Variants in WDPCP observed in about 807,000 individuals in gnomAD.
WDPCP encodes the protein WD repeat-containing and planar cell polarity effector protein fritz homolog.
In WDPCP, 71 loss-of-function variants were observed where a neutral mutation model predicts 93.1. The ratio of observed to expected loss-of-function variants is 0.76; its 90% CI spans 0.63 to 0.93. WDPCP has a LOEUF of 0.93. WDPCP is among the 40% of genes least tolerant of loss of function. WDPCP has a pLI of 0.00. For missense variants in WDPCP, 844 were observed against 887.4 expected (o/e 0.95, Z 0.62); for synonymous variants, 315 against 315.0 (o/e 1.00, Z 0.00).
intron 14 of WDPCP, among the ~76,000 whole-genome samples, chr2:63,220,604 T>C (rs1022580005): frequency 1.3e-5 from 2 of 151,464 alleles, no homozygotes; most frequent in South Asian, 2.1e-4. Context: ...GTTTGTGAAA[T>C]TACCCAGTAG....
intron 14 of WDPCP, among the ~76,000 whole-genome samples, chr2:63,202,024 T>A (rs1164071178): frequency 1.3e-5 from 2 of 151,162 alleles, no homozygotes; most frequent in South Asian, 2.1e-4. Flanking sequence ...TCTGCTTTTT[T>A]AATTCAGTCC....
chr2:63,404,006 T>C (rs772972210), intron 10 of WDPCP, 42 bp downstream of exon 10: 21 of 1,612,556 alleles, frequency 1.3e-5, no homozygotes, highest in South Asian at 2.2e-5. Context: ...GTCACTATCC[T>C]AAACATTTTA....
chr2:63,407,566 T>G (rs1184383077), intron 9 of WDPCP, among the ~76,000 whole-genome samples: 1 of 152,190 alleles, frequency 6.6e-6, no homozygotes, highest in Non-Finnish European at 1.5e-5. Flanking sequence ...GTTTTTTGCC[T>G]GAAATCCACA....
intron 2 of WDPCP, among the ~76,000 whole-genome samples, chr2:63,738,902 G>A (rs191577717): frequency 2.0e-5 from 3 of 151,878 alleles, no homozygotes; most frequent in Non-Finnish European, 2.9e-5. Flanking sequence ...AACTCCCAAG[G>A]TTACTACTAT....
chr2:63,791,856 T>C (rs895458830), intron 2 of WDPCP, among the ~76,000 whole-genome samples: 1 of 152,230 alleles, frequency 6.6e-6, no homozygotes, highest in Non-Finnish European at 1.5e-5. Flanking sequence ...ATGAGGATAA[T>C]GATTCCTATT....
At chr2:63,124,631 A>G (rs2153395489) in intron 17 of WDPCP, among the ~76,000 whole-genome samples, 1 of 152,270 alleles carries the variant, frequency 6.6e-6, no homozygotes, top group South Asian at 2.1e-4. Flanking sequence ...TCAGTTTATT[A>G]TGTTAGGTTT....
chr2:63,258,287 A>C (rs1681306724), intron 14 of WDPCP, among the ~76,000 whole-genome samples: 1 of 152,156 alleles, frequency 6.6e-6, no homozygotes, highest in Non-Finnish European at 1.5e-5. Flanking sequence ...TGGTCTAATC[A>C]ATCTGGAACT....
chr2:63,802,473 A>T (rs961119841), intron 2 of WDPCP, among the ~76,000 whole-genome samples: 1 of 152,158 alleles, frequency 6.6e-6, no homozygotes, highest in Non-Finnish European at 1.5e-5. Context: ...TTTCAGTCTC[A>T]TGATAAGGTT....
chr2:63,295,860 C>T (rs1684808709), intron 13 of WDPCP, among the ~76,000 whole-genome samples: 1 of 122,006 alleles, frequency 8.2e-6, no homozygotes, highest in South Asian at 2.8e-4. Context: ...GAGCTGGTAC[C>T]AAACTTAGTG....
intron 2 of WDPCP, among the ~76,000 whole-genome samples, chr2:63,681,014 C>A (rs1339472046): frequency 6.6e-6 from 1 of 152,052 alleles, no homozygotes; most frequent in Non-Finnish European, 1.5e-5. Flanking sequence ...ACCAAAGAAA[C>A]CTTGGGCCCT....
chr2:63,362,534 C>T (rs1014265611), intron 12 of WDPCP, among the ~76,000 whole-genome samples: 1 of 152,000 alleles, frequency 6.6e-6, no homozygotes, highest in Non-Finnish European at 1.5e-5. Context: ...CTCTGCTTGT[C>T]CCCTGTGGTC....
At chr2:63,389,876 G>A (rs1458473762) in intron 10 of WDPCP, among the ~76,000 whole-genome samples, 1 of 152,010 alleles carries the variant, frequency 6.6e-6, no homozygotes, top group Non-Finnish European at 1.5e-5. Context: ...CCCAATACAG[G>A]AGCACCCAGA....
chr2:63,656,690 C>A (rs1710170172), intron 2 of WDPCP, among the ~76,000 whole-genome samples: 4 of 152,242 alleles, frequency 2.6e-5, no homozygotes, highest in Admixed American at 2.0e-4. Flanking sequence ...AAGCACTATT[C>A]AAGGTGCTGA....
chr2:63,510,477 A>C (rs768683440), intron 1 of WDPCP, among the ~76,000 whole-genome samples: 1 of 152,224 alleles, frequency 6.6e-6, no homozygotes, highest in African/African-American at 2.4e-5. Context: ...CCAGTATCAT[A>C]CTGAATGGGC....
At chr2:63,484,582 A>C (rs887608938) in intron 6 of WDPCP, 22 bp downstream of exon 6, 7 of 1,612,432 alleles carry the variant, frequency 4.3e-6, no homozygotes, top group Admixed American at 1.7e-5. Flanking sequence ...AAACACTGCA[A>C]AGGCTTGTCA....
In WDPCP at chr2:63,663,948, G is replaced by A. The variant is rs144658950; in HGVS notation, n.309-13110C>T. ...TTTCCCTCATATATCAACAACCACCGCACCTTTAACCCAAGCAGTACTGAA... is the reference window on the plus strand; with the variant it reads ...TTTCCCTCATATATCAACAACCACCACACCTTTAACCCAAGCAGTACTGAA... On this transcript the variant is annotated intron_variant and non_coding_transcript_variant, in intron 2 of 4. Transcript: ENST00000467687. Among the ~76,000 whole-genome samples, 696 of 151,950 alleles carry A rather than the reference G, an allele frequency of 4.6e-3. 9 individuals carry two copies. The highest frequency in any genetic ancestry group is 0.016 in the African/African-American group (658 of 41,422).
chr2:63,631,947 A>T (rs1276174023), intron 3 of WDPCP, among the ~76,000 whole-genome samples: 1 of 152,234 alleles, frequency 6.6e-6, no homozygotes, highest in Non-Finnish European at 1.5e-5. Context: ...ATCTTTCATT[A>T]TTGAGATAAT....
chr2:63,239,308 G>T (rs1679677216), intron 14 of WDPCP, among the ~76,000 whole-genome samples: 1 of 152,074 alleles, frequency 6.6e-6, no homozygotes, highest in South Asian at 2.1e-4. Flanking sequence ...CCGCCTCCTG[G>T]GTTCAGGGCA....
intron 14 of WDPCP, among the ~76,000 whole-genome samples, chr2:63,182,508 T>C (rs1308286444): frequency 3.9e-5 from 6 of 151,970 alleles, no homozygotes; most frequent in African/African-American, 1.4e-4. Flanking sequence ...GATTGTGATG[T>C]ATTATGTTTT....
Sources: gnomAD v4.1 joint callset for allele counts (sites outside exome capture counted in the v4.1 genomes callset) on GRCh38, gnomAD v4.1.1 for gene constraint, MANE v1.5 for transcripts, NCBI Gene and HGNC (gene_info 2026-07-23, HGNC 2026-07-21) for gene names.